UTS2: variants seen among roughly 807,000 people sequenced by gnomAD.
UTS2 encodes the protein urotensin-2.
A neutral mutation model predicts 12.6 loss-of-function variants in UTS2; 10 were observed. That is an observed-to-expected ratio of 0.80 (90% CI 0.49 to 1.35). The LOEUF (loss-of-function observed/expected upper bound fraction) is 1.35, where lower values mean the gene tolerates loss of function less well. Ranked by LOEUF, UTS2 falls within the 40% of genes most tolerant of loss-of-function variation. UTS2 has a pLI of 0.00. For synonymous variants in UTS2, 52 were observed against 50.0 expected, an observed-to-expected ratio of 1.04 and a Z score of -0.17; for missense variants, 142 against 143.2, an observed-to-expected ratio of 0.99 and a Z score of 0.04.
the UTS2 span, among the ~76,000 whole-genome samples, chr1:7,893,762 C>T: frequency 6.6e-6 from 1 of 152,180 alleles, no homozygotes. Flanking sequence ...GCCCTCAAGA[C>T]TGTCTCCATA....
upstream of UTS2, among the ~76,000 whole-genome samples, chr1:7,855,733 A>G (rs1638292931): frequency 6.6e-6 from 1 of 150,764 alleles, no homozygotes; most frequent in East Asian, 2.0e-4. Flanking sequence ...ACAGGATCTC[A>G]CTCTGTCACC....
chr1:7,865,949 A>G, the UTS2 span, among the ~76,000 whole-genome samples: 3 of 152,156 alleles, frequency 2.0e-5, no homozygotes, highest in African/African-American at 7.2e-5. Flanking sequence ...AAACAAATAA[A>G]CAAACTAATA....
In UTS2 at chr1:7,853,042, T is replaced by C; in HGVS notation, c.-39A>G. The stretch of plus-strand genomic sequence containing the variant: ...TAGACGGCTTCCTTCTTGGCTTCTG[T>C]TGTAGAGAACTTTCAACTGTCTCCT... On this transcript the variant is annotated 5_prime_UTR_variant, in exon 1 of 4. Coordinates refer to ENST00000361696, the MANE Select transcript of UTS2 (RefSeq NM_006786.4). The C allele has an allele frequency of 1.9e-6, 3 of 1,594,024 alleles. No homozygotes were observed. In the South Asian group the frequency reaches 3.5e-5, roughly 18 times the overall value.
chr1:7,869,133 C>T, the UTS2 span, among the ~76,000 whole-genome samples: 1 of 152,244 alleles, frequency 6.6e-6, no homozygotes, highest in Non-Finnish European at 1.5e-5. Flanking sequence ...CAGCAACACC[C>T]CTTTTTCAGA....
chr1:7,895,397 AG>A, the UTS2 span, among the ~76,000 whole-genome samples: 1 of 152,066 alleles, frequency 6.6e-6, no homozygotes, highest in South Asian at 2.1e-4. Context: ...AATAAAAATT[AG>A]GCCTAAACTG....
chr1:7,860,089 C>T, the UTS2 span, among the ~76,000 whole-genome samples: 9 of 152,136 alleles, frequency 5.9e-5, no homozygotes, highest in African/African-American at 1.9e-4. Context: ...ACTCATTCAA[C>T]GAACATTGAG....
At chr1:7,862,961 AC>A in the UTS2 span, among the ~76,000 whole-genome samples, 2 of 150,152 alleles carry the variant, frequency 1.3e-5, no homozygotes, top group Non-Finnish European at 3.0e-5. Flanking sequence ...AATAAGGCCT[AC>A]CCTGACGGCC....
the UTS2 span, among the ~76,000 whole-genome samples, chr1:7,881,425 A>C: frequency 6.6e-6 from 1 of 152,228 alleles, no homozygotes; most frequent in East Asian, 1.9e-4. Context: ...TAGAACTGAT[A>C]AGTGAATTAA....
At chr1:7,894,800 G>A in the UTS2 span, among the ~76,000 whole-genome samples, 5 of 151,830 alleles carry the variant, frequency 3.3e-5, no homozygotes, top group African/African-American at 1.2e-4. Flanking sequence ...GCAACATGGT[G>A]AAACCCTGTC....
chr1:7,899,133 C>T, the UTS2 span, among the ~76,000 whole-genome samples: 25 of 152,054 alleles, frequency 1.6e-4, no homozygotes, highest in Admixed American at 9.2e-4. Context: ...CTTGTGAAAC[C>T]TCATTGACTA....
upstream of UTS2, among the ~76,000 whole-genome samples, chr1:7,854,133 C>G (rs994711109): frequency 2.6e-5 from 4 of 152,014 alleles, no homozygotes; most frequent in Admixed American, 2.0e-4. Context: ...ATCACGAGGT[C>G]AGGAGTTTGA....
the UTS2 span, among the ~76,000 whole-genome samples, chr1:7,908,325 G>A: frequency 1.7e-4 from 26 of 151,104 alleles, no homozygotes; most frequent in East Asian, 4.9e-3. Context: ...AGTTAGCCAG[G>A]TGTGGTGGTT....
rs1181934440 is a variant in UTS2, at chr1:7,852,881, G to A, written c.103+20C>T. On this transcript the variant is annotated intron_variant, in intron 1 of 3. Coordinates refer to ENST00000361696, the MANE Select transcript of UTS2 (RefSeq NM_006786.4). The stretch of plus-strand genomic sequence containing the variant: ...AAAGGCTCTTTCAAGACTAACATAA[G>A]GGGAAAAAAAAAATCTTACCTGAGA... The A allele has an allele frequency of 5.6e-6, 9 of 1,596,596 alleles. No individual in the cohort carries two copies. In the Admixed American group the frequency reaches 1.6e-4, roughly 29 times the overall value.
intron 3 of UTS2, 42 bp from the exon 4 acceptor site, chr1:7,847,924 A>ATAAG: frequency 7.2e-7 from 1 of 1,384,366 alleles, no homozygotes; most frequent in East Asian, 2.3e-5. Flanking sequence ...AAAAAAACAG[A>ATAAG]TAAGTTACCA....
the UTS2 span, among the ~76,000 whole-genome samples, chr1:7,907,771 T>C: frequency 6.6e-6 from 1 of 152,116 alleles, no homozygotes; most frequent in Non-Finnish European, 1.5e-5. Flanking sequence ...AACTCCAAAC[T>C]CAGAGTAGGA....
the UTS2 span, among the ~76,000 whole-genome samples, chr1:7,898,215 T>C: frequency 1.3e-5 from 2 of 152,180 alleles, no homozygotes; most frequent in South Asian, 2.1e-4. Flanking sequence ...TAAGTGGCGA[T>C]TGTTTTGTCC....
At chr1:7,853,264 A>G (rs746038236), upstream of UTS2, 11 of 1,611,974 alleles carry the variant, frequency 6.8e-6, no homozygotes, top group Non-Finnish European at 8.5e-6. Flanking sequence ...GGTATTATAT[A>G]AAGAACAGTG....
the UTS2 span, among the ~76,000 whole-genome samples, chr1:7,909,414 G>A: frequency 6.6e-6 from 1 of 151,654 alleles, no homozygotes; most frequent in Non-Finnish European, 1.5e-5. Flanking sequence ...GCATGGTAGT[G>A]CACCCCTGTA....
chr1:7,870,673 G>C, the UTS2 span, among the ~76,000 whole-genome samples: 1 of 152,202 alleles, frequency 6.6e-6, no homozygotes, highest in Non-Finnish European at 1.5e-5. Context: ...AAGGCCTTTT[G>C]CTTACCAAAG....
Sources: gnomAD v4.1 joint callset for allele counts (sites outside exome capture counted in the v4.1 genomes callset) on GRCh38, gnomAD v4.1.1 for gene constraint, MANE v1.5 for transcripts, NCBI Gene and HGNC (gene_info 2026-07-23, HGNC 2026-07-21) for gene names.